The following CD300LB variants were observed in gnomAD, a reference collection of about 807,000 sequenced individuals.
The protein encoded by CD300LB is CD300 molecule like family member b.
CD300LB carries 18 observed loss-of-function variants against 20.8 expected under a neutral mutation model. The ratio of observed to expected loss-of-function variants is 0.87; its 90% CI spans 0.60 to 1.28. The LOEUF is 1.28. Among genes scored for constraint, CD300LB ranks in the 50% most tolerant of loss-of-function variants. The pLI, the probability that CD300LB is intolerant of heterozygous loss-of-function variation, is 0.00. For missense variants in CD300LB, 222 were observed against 251.8 expected (o/e 0.88, Z 0.80); for synonymous variants, 91 against 91.3 (o/e 1.00, Z 0.02).
chr17:74,527,793 T>C (rs1243998303), intron 1 of CD300LB, among the ~76,000 whole-genome samples: 1 of 152,162 alleles, frequency 6.6e-6, no homozygotes, highest in Non-Finnish European at 1.5e-5. Context: ...TCCCCTAGAA[T>C]AGGGGTTCCC....
intron 1 of CD300LB, among the ~76,000 whole-genome samples, chr17:74,526,931 C>T (rs1320414443): frequency 6.6e-6 from 1 of 152,134 alleles, no homozygotes; most frequent in Non-Finnish European, 1.5e-5. Context: ...TGACAAGCCT[C>T]CATGGAGGGA....
Position 74,521,583 on chromosome 17 carries a change from T to C in CD300LB, c.*1155A>G, listed in dbSNP as rs1907880207. ...AGAAGAGGGGAGGCTCTGGGTGCCATGCTAGGGACCAGAGGGTCCCCTCTC... is the reference window on the plus strand; with the variant it reads ...AGAAGAGGGGAGGCTCTGGGTGCCACGCTAGGGACCAGAGGGTCCCCTCTC... On this transcript the variant is annotated 3_prime_UTR_variant, in exon 4 of 4. Transcript: ENST00000392621. The C allele has an allele frequency of 5.1e-6, 5 of 985,482 alleles. No individual in the cohort carries two copies. The highest frequency in any genetic ancestry group is 6.0e-6 in the Non-Finnish European group (5 of 829,962). The allele number at this position is 985,482 out of a possible 1,614,324, so 61.0% of individuals were successfully genotyped here.
At chr17:74,528,595 T>G (rs1164568411) in intron 1 of CD300LB, among the ~76,000 whole-genome samples, 1 of 151,890 alleles carries the variant, frequency 6.6e-6, no homozygotes. Context: ...AGCTGATTGG[T>G]AGCCAGTTTA....
At position 74,526,602 on chromosome 17, in the gene CD300LB, A is replaced by G. The variant is rs184780266; in HGVS notation, c.41-525T>C. Among the ~76,000 whole-genome samples, 46 of 152,346 alleles carry G rather than the reference A, an allele frequency of 3.0e-4. No individual in the cohort carries two copies. In the East Asian group the frequency reaches 8.5e-3, roughly 28 times the overall value. On this transcript the variant is annotated intron_variant, in intron 1 of 3. Transcript: ENST00000392621. ...GTGGCAGTCACCTGTAGTCTCAGCT[A>G]TGCGGGAGGCTGAAGCATGAAAATT... is the stretch of plus-strand genomic sequence containing the variant.
intron 1 of CD300LB, among the ~76,000 whole-genome samples, chr17:74,531,097 C>T (rs1180519893): frequency 6.6e-6 from 1 of 152,188 alleles, no homozygotes; most frequent in Non-Finnish European, 1.5e-5. Context: ...GAGCCATGGC[C>T]TCAAGCCTGG....
chr17:74,527,550 C>T (rs1236979853), intron 1 of CD300LB, among the ~76,000 whole-genome samples: 1 of 152,236 alleles, frequency 6.6e-6, no homozygotes, highest in East Asian at 1.9e-4. Flanking sequence ...TACACAGAAC[C>T]TGCGAATATG....
At chr17:74,522,962 C>T (rs2143058872) in intron 3 of CD300LB, 62 bp from the exon 4 acceptor site, 1 of 1,511,834 alleles carries the variant, frequency 6.6e-7, no homozygotes, top group South Asian at 1.2e-5. Context: ...ACTCCCATCC[C>T]CTGACCCTGT....
At chr17:74,527,930 C>T (rs1908084534) in intron 1 of CD300LB, among the ~76,000 whole-genome samples, 1 of 152,168 alleles carries the variant, frequency 6.6e-6, no homozygotes, top group South Asian at 2.1e-4. Context: ...GTTGTTCAAA[C>T]TACCACCTGA....
intron 1 of CD300LB, among the ~76,000 whole-genome samples, chr17:74,529,124 A>C (rs1223533214): frequency 6.6e-6 from 1 of 151,880 alleles, no homozygotes; most frequent in Non-Finnish European, 1.5e-5. Context: ...AGAGTGAGAC[A>C]CTGTCTTCAA....
chr17:74,528,202 T>A (rs1489749127), intron 1 of CD300LB, among the ~76,000 whole-genome samples: 2 of 152,116 alleles, frequency 1.3e-5, no homozygotes, highest in African/African-American at 4.8e-5. Flanking sequence ...ATATAAAGTA[T>A]ACAATAAGTG....
chr17:74,525,530 G>A (rs111780028), intron 2 of CD300LB, among the ~76,000 whole-genome samples: 2,546 of 152,074 alleles, frequency 0.017, 80 homozygotes, highest in African/African-American at 0.057. Context: ...GAGACCTCAG[G>A]GACTGAGATA....
rs552181351 is a variant in CD300LB, at chr17:74,521,267, CCT to C, written c.*1469_*1470del. 1.1e-4 allele frequency: 83 copies of C among 760,712 alleles called. No individual in the cohort carries two copies. In the East Asian group the frequency reaches 6.1e-3, roughly 56 times the overall value. 47.1% of individuals were successfully genotyped at this position (760,712 alleles called of 1,614,324 possible). ...TGACAAGCGCCCATGTCCCCTCGCC[CCT>C]GAGTCCAGCTGGTGAAGCACCATGC... On this transcript the variant is annotated 3_prime_UTR_variant, in exon 4 of 4. Transcript: ENST00000392621.
At chr17:74,523,334 A>T in intron 3 of CD300LB, 1 of 568,840 alleles carries the variant, frequency 1.8e-6, no homozygotes, top group Non-Finnish European at 3.2e-6. Context: ...TGCAAGGTTG[A>T]CTGATTGACT....
rs111333012 is a variant in CD300LB, at chr17:74,525,787, G to C, written c.331C>G (p.Pro111Ala). ...ACTTTCACTTGAGTCCCAAGGTCAG[G>C]TCCTCTTCTTTCAATCCCACACCAG... Reference protein sequence around the residue: ...VYWCGIERRGPDLGTQVKVIV... With the variant: ...VYWCGIERRGADLGTQVKVIV... The change falls in exon 2 of 4, where the codon CCT becomes GCT. Residue 111 changes from proline (P) to alanine (A), a missense_variant. Physicochemically the swap from Pro to Ala is conservative, Grantham distance 27. Transcript: ENST00000392621. 1.9e-5 allele frequency: 31 copies of C among 1,613,980 alleles called. No homozygotes were observed.
At chr17:74,523,501 C>T in intron 3 of CD300LB, 78 bp downstream of exon 3, 2 of 1,000,254 alleles carry the variant, frequency 2.0e-6, no homozygotes, top group Non-Finnish European at 3.2e-6. Context: ...CATTTGGTGA[C>T]AGGCAGGAGT....
Position 74,521,430 on chromosome 17 carries a change from T to G in CD300LB, c.*1308A>C. 2 of 985,512 alleles carry G rather than the reference T, an allele frequency of 2.0e-6. No individual in the cohort carries two copies. Among genetic ancestry groups the G allele is most frequent in the Non-Finnish European group, 2.4e-6 (2 of 830,006 alleles). The allele number at this position is 985,512 out of a possible 1,614,324, so 61.0% of individuals were successfully genotyped here. A position where few individuals can be genotyped will look rare whatever the true frequency, so the allele number is the denominator to read the frequency against. On this transcript the variant is annotated 3_prime_UTR_variant, in exon 4 of 4. Coordinates refer to ENST00000392621, the MANE Select transcript of CD300LB (RefSeq NM_174892.4). Reference sequence around the variant, plus strand: ...CTGTGGGTCTTGGTCCCTCACAGAATGACTCAGGGGATCTTAGCCGGGCTC... The same window carrying G: ...CTGTGGGTCTTGGTCCCTCACAGAAGGACTCAGGGGATCTTAGCCGGGCTC...
intron 1 of CD300LB, among the ~76,000 whole-genome samples, chr17:74,528,369 G>A (rs1304280952): frequency 2.0e-5 from 3 of 152,014 alleles, no homozygotes; most frequent in East Asian, 1.9e-4. Context: ...GTAAGACCAC[G>A]CCAGGCTCTG....
intron 1 of CD300LB, among the ~76,000 whole-genome samples, chr17:74,529,458 C>T (rs1319812193): frequency 6.6e-6 from 1 of 152,174 alleles, no homozygotes; most frequent in East Asian, 1.9e-4. Flanking sequence ...CTGAGACTGT[C>T]TCCTCCTCCT....
chr17:74,526,137 C>T (rs1027154467), intron 1 of CD300LB, 60 bp from the exon 2 acceptor site: 2 of 1,559,010 alleles, frequency 1.3e-6, no homozygotes, highest in Admixed American at 3.7e-5. Flanking sequence ...TGCTCTGGGG[C>T]TCTCACGGAC....
Sources: gnomAD v4.1 joint callset for allele counts (sites outside exome capture counted in the v4.1 genomes callset) on GRCh38, gnomAD v4.1.1 for gene constraint, MANE v1.5 for transcripts, NCBI Gene and HGNC (gene_info 2026-07-23, HGNC 2026-07-21) for gene names.